The following CDH23 variants were observed in gnomAD, a reference collection of about 807,000 sequenced individuals.
CDH23 encodes cadherin-23.
Under a neutral mutation model 317.1 loss-of-function variants are expected in CDH23, and 189 were observed. The ratio of observed to expected loss-of-function variants is 0.60; its 90% CI spans 0.53 to 0.67. The LOEUF (loss-of-function observed/expected upper bound fraction) is 0.67, where lower values mean the gene tolerates loss of function less well. Among genes scored for constraint, CDH23 ranks in the 30% least tolerant of loss-of-function variants. The probability of loss-of-function intolerance (pLI) is 0.00; values close to 1 mark genes in which losing one functional copy is unlikely to be tolerated. For synonymous variants in CDH23, 1,839 were observed against 1,876.8 expected (o/e 0.98, Z 0.52); for missense variants, 4,401 against 4,592.4 (o/e 0.96, Z 1.20).
chr10:71,799,677 G>T (rs1421148196), intron 52 of CDH23, 48 bp downstream of exon 52: 3 of 1,612,870 alleles, frequency 1.9e-6, no homozygotes, highest in East Asian at 2.2e-5. Context: ...AAGGACCCAG[G>T]GTCAGAGACT....
intron 9 of CDH23, among the ~76,000 whole-genome samples, chr10:71,612,044 C>G (rs1018077115): frequency 1.3e-5 from 2 of 152,132 alleles, no homozygotes; most frequent in South Asian, 2.1e-4. Flanking sequence ...CAGAGAGTAC[C>G]AGTGTTGCTA....
chr10:71,615,651 A>ATCTCCTCTACCTG, intron 10 of CDH23, 35 bp downstream of exon 10: 1 of 1,452,502 alleles, frequency 6.9e-7, no homozygotes, highest in Non-Finnish European at 9.7e-7. Context: ...CCCCAGGTAG[A>ATCTCCTCTACCTG]GGAGATGCCC....
At chr10:71,518,138 T>C (rs1854447410) in intron 6 of CDH23, among the ~76,000 whole-genome samples, 1 of 152,158 alleles carries the variant, frequency 6.6e-6, no homozygotes, top group Admixed American at 6.5e-5. Context: ...TTCACTGTCT[T>C]TCATTTGTCC....
At chr10:71,415,215 A>G (rs1335722886) in intron 1 of CDH23, among the ~76,000 whole-genome samples, 1 of 152,040 alleles carries the variant, frequency 6.6e-6, no homozygotes, top group African/African-American at 2.4e-5. Flanking sequence ...GGCTCAAGCA[A>G]TCCTCCTGTC....
At chr10:71,713,511 G>T (rs1220927421) in intron 28 of CDH23, 1 of 543,170 alleles carries the variant, frequency 1.8e-6, no homozygotes. Flanking sequence ...TGGGAGGCTG[G>T]CAATGCTCCC....
chr10:71,682,258 G>A (rs1330595978), intron 17 of CDH23, among the ~76,000 whole-genome samples, 187 bp from the exon 18 acceptor site: 2 of 152,214 alleles, frequency 1.3e-5, no homozygotes, highest in Non-Finnish European at 2.9e-5. Context: ...GCGCAGCACA[G>A]GGTCTGGCAC....
chr10:71,510,922 C>T (rs1853936682), intron 4 of CDH23, 32 bp from the exon 5 acceptor site: 1 of 1,613,322 alleles, frequency 6.2e-7, no homozygotes, highest in Non-Finnish European at 8.5e-7. Flanking sequence ...CACCGCCTAA[C>T]TGCCCCCCTC....
At chr10:71,647,143 G>A in intron 14 of CDH23, 2 of 952,356 alleles carry the variant, frequency 2.1e-6, no homozygotes, top group Non-Finnish European at 2.5e-6. Context: ...AAGCAAAAAA[G>A]GATTGGCTCA....
intron 14 of CDH23, among the ~76,000 whole-genome samples, chr10:71,660,086 G>T (rs184010829): frequency 2.7e-4 from 41 of 150,578 alleles, no homozygotes; most frequent in African/African-American, 9.8e-4. Context: ...TCAACCTCCT[G>T]AGTAGCCGGG....
chr10:71,534,851 G>A (rs1043122140), intron 6 of CDH23, among the ~76,000 whole-genome samples: 2 of 152,244 alleles, frequency 1.3e-5, no homozygotes, highest in African/African-American at 4.8e-5. Flanking sequence ...GGATCTGTGG[G>A]ATTCATTCTT....
chr10:71,523,766 A>G (rs1854846394), intron 6 of CDH23, among the ~76,000 whole-genome samples: 1 of 152,104 alleles, frequency 6.6e-6, no homozygotes, highest in African/African-American at 2.4e-5. Flanking sequence ...AGTCCCTGGG[A>G]TGTGCCAGGG....
chr10:71,516,168 C>A (rs1460096867), intron 6 of CDH23, among the ~76,000 whole-genome samples: 1 of 152,216 alleles, frequency 6.6e-6, no homozygotes, highest in Non-Finnish European at 1.5e-5. Context: ...CCACTGTTAC[C>A]TCACAGAAAC....
chr10:71,705,691 C>T (rs1431243798), intron 25 of CDH23, among the ~76,000 whole-genome samples: 1 of 152,120 alleles, frequency 6.6e-6, no homozygotes, highest in African/African-American at 2.4e-5. Context: ...GGTGAAGGGA[C>T]GGGGTACTGT....
chr10:71,490,288 T>G (rs1415957285), intron 3 of CDH23, among the ~76,000 whole-genome samples: 1 of 152,218 alleles, frequency 6.6e-6, no homozygotes, highest in Non-Finnish European at 1.5e-5. Flanking sequence ...TTCAAGTTGA[T>G]CCAGGTACCT....
chr10:71,682,379 A>G, intron 17 of CDH23, 66 bp from the exon 18 acceptor site: 2 of 1,580,154 alleles, frequency 1.3e-6, no homozygotes, highest in Non-Finnish European at 1.7e-6. Flanking sequence ...CCCAAAGGGG[A>G]CCCCTGTCTG....
intron 3 of CDH23, among the ~76,000 whole-genome samples, chr10:71,465,465 C>T (rs554131579): frequency 6.6e-6 from 1 of 152,232 alleles, no homozygotes; most frequent in Non-Finnish European, 1.5e-5. Flanking sequence ...TCCCCAGGGT[C>T]GAGAGACTCC....
At chr10:71,787,548 C>CTGAG (rs55897366) in intron 44 of CDH23, among the ~76,000 whole-genome samples, 30,360 of 152,004 alleles carry the variant, frequency 0.2, 3,117 homozygotes, top group African/African-American at 0.25. Context: ...CCCATCCTCC[C>CTGAG]ACCCTTCTGA....
intron 3 of CDH23, among the ~76,000 whole-genome samples, chr10:71,469,360 A>C (rs138557678): frequency 6.6e-6 from 1 of 152,130 alleles, no homozygotes; most frequent in Non-Finnish European, 1.5e-5. Context: ...GTTAGTTTGC[A>C]TTCTCCAGAA....
chr10:71,621,100 G>A (rs1861446183), intron 11 of CDH23, among the ~76,000 whole-genome samples: 1 of 152,202 alleles, frequency 6.6e-6, no homozygotes, highest in South Asian at 2.1e-4. Context: ...TGAGTGTCCA[G>A]AGCCAGAAAA....
Sources: allele counts gnomAD v4.1 joint callset (sites outside exome capture counted in the v4.1 genomes callset), GRCh38; gene constraint gnomAD v4.1.1; transcripts MANE v1.5; gene names NCBI Gene and HGNC (gene_info 2026-07-23, HGNC 2026-07-21).